FGFR4: variants seen among roughly 807,000 people sequenced by gnomAD.
The protein encoded by FGFR4 is fibroblast growth factor receptor 4.
FGFR4 carries 63 observed loss-of-function variants against 89.9 expected under a neutral mutation model. That is an observed-to-expected ratio of 0.70 (90% confidence interval 0.57 to 0.86). The LOEUF is 0.86. Among genes scored for constraint, FGFR4 ranks in the 40% least tolerant of loss-of-function variants. The pLI is 0.00. For missense variants in FGFR4, 928 were observed against 1,106.7 expected (o/e 0.84, Z 2.29); for synonymous variants, 486 against 479.4 (o/e 1.01, Z -0.18).
At chr5:177,091,216 G>A in intron 5 of FGFR4, 112 bp downstream of exon 5, 1 of 1,342,706 alleles carries the variant, frequency 7.4e-7, no homozygotes, top group Non-Finnish European at 1.0e-6. Flanking sequence ...GCGATTGCGG[G>A]GCCCCGGAAG....
chr5:177,095,599 G>T lies in FGFR4; in HGVS notation c.1697G>T (p.Arg566Leu). 1 of 1,604,658 alleles carries T rather than the reference G, an allele frequency of 6.2e-7. No homozygotes were observed. The highest frequency in any genetic ancestry group is 1.7e-5 in the Admixed American group (1 of 58,780). ...CTGCGGGAGTTCCTGCGGGCCCGGC[G>T]CCCCCCAGGCCCCGACCTCAGCCCC... is the stretch of plus-strand genomic sequence containing the variant. ...GNLREFLRAR[R>L]PPGPDLSPDG... Residue 566 changes from arginine to leucine, a missense_variant, in exon 13 of 18, where the codon CGC (arginine) becomes CTC (leucine). Arg to Leu is a moderately radical substitution (Grantham distance 102). Around this residue, in one of 5 missense-constraint regions of FGFR4, gnomAD observed 741 missense variants for 836.9 expected, o/e 0.89. Transcript: ENST00000292408. This position sits in a 1 kb window ranked among gnomAD's most constrained non-coding sequence, Gnocchi z 5.7.
chr5:177,096,905 T>C (rs867226148), intron 16 of FGFR4, among the ~76,000 whole-genome samples, 164 bp downstream of exon 16: 796 of 15,172 alleles, frequency 0.052, no homozygotes, highest in East Asian at 0.1. Flanking sequence ...CCTCCTCCTC[T>C]TCCTCCTCCT....
intron 6 of FGFR4, 131 bp downstream of exon 6, chr5:177,091,939 G>A: frequency 8.1e-7 from 1 of 1,236,032 alleles, no homozygotes; most frequent in Admixed American, 2.0e-5. Context: ...GGTGGGTCAG[G>A]GGAAAGCACA....
rs9489 is a variant in FGFR4 at position 177,098,028 on chromosome 5, G to C, written c.*352G>C. Reference sequence around the variant, plus strand: ...ACCTCCCCCTGCTGCTGCTGCCCCAGCGTCTTGACGGGAGCATTGGCCCCT... The same window carrying C: ...ACCTCCCCCTGCTGCTGCTGCCCCACCGTCTTGACGGGAGCATTGGCCCCT... On this transcript the variant is annotated 3_prime_UTR_variant, in exon 18 of 18. Transcript: ENST00000292408. This position sits in a 1 kb window ranked among gnomAD's most constrained non-coding sequence, Gnocchi z 4.5. 0.11 allele frequency: 30,340 copies of C among 277,184 alleles called. 2,113 individuals are homozygous for C. The highest frequency in any genetic ancestry group is 0.17 in the South Asian group (1,093 of 6,486). 17.2% of individuals were successfully genotyped at this position (277,184 alleles called of 1,614,324 possible). A position where few individuals can be genotyped will look rare whatever the true frequency, so the allele number is the denominator to read the frequency against.
chr5:177,095,590 G>T lies in FGFR4; in HGVS notation c.1688G>T (p.Arg563Leu). ...AAKGNLREFLRARRPPGPDLS... is the reference protein window; with the variant it reads ...AAKGNLREFLLARRPPGPDLS... ...AAGGGAAACCTGCGGGAGTTCCTGCGGGCCCGGCGCCCCCCAGGCCCCGAC... is the reference window on the plus strand; with the variant it reads ...AAGGGAAACCTGCGGGAGTTCCTGCTGGCCCGGCGCCCCCCAGGCCCCGAC... The change falls in exon 13 of 18, where the codon CGG becomes CTG. Residue 563 changes from arginine (R) to leucine (L), a missense_variant. Coordinates refer to ENST00000292408, the MANE Select transcript of FGFR4 (RefSeq NM_213647.3). This position sits in a 1 kb window ranked among gnomAD's most constrained non-coding sequence, Gnocchi z 5.7. The T allele has an allele frequency of 6.2e-7, 1 of 1,607,504 alleles. No individual in the cohort carries two copies. Among genetic ancestry groups the T allele is most frequent in the Non-Finnish European group, 8.5e-7 (1 of 1,177,794 alleles).
rs752670786 is a variant in FGFR4 at position 177,093,129 on chromosome 5, C to T, written c.1058-9C>T. ...TTGTCTGTCTGTGTGTGTCCATGTG[C>T]GAGGGCAGAGGAGGACCCCACATGG... On this transcript the variant is annotated splice_polypyrimidine_tract_variant and intron_variant, in intron 8 of 17. Coordinates refer to ENST00000292408, the MANE Select transcript of FGFR4 (RefSeq NM_213647.3). The surrounding 1 kb of genome is among the most constrained non-coding windows in gnomAD (Gnocchi z 5.8). 1.5e-5 allele frequency: 25 copies of T among 1,613,856 alleles called. No homozygotes were observed. The highest frequency in any genetic ancestry group is 6.7e-5 in the East Asian group (3 of 44,904).
Position 177,097,480 on chromosome 5 carries a change from G to A in FGFR4, c.2260-47G>A, listed in dbSNP as rs376665036. 1.7e-3 allele frequency: 2,650 copies of A among 1,558,460 alleles called. 5 individuals carry two copies. Among genetic ancestry groups the A allele is most frequent in the Non-Finnish European group, 2.2e-3 (2,493 of 1,146,178 alleles). On this transcript the variant is annotated intron_variant, in intron 17 of 17. Transcript: ENST00000292408. ...GCCTGACCGCGTGGACATGCGCCCC[G>A]TCCCATCCCGGGCGCTGCAGAGGCT...
intron 1 of FGFR4, chr5:177,088,406 G>A (rs1487278873): frequency 1.0e-5 from 2 of 196,830 alleles, no homozygotes; most frequent in African/African-American, 2.3e-5. Flanking sequence ...AGCCGAGGGA[G>A]AGGATGTTTC....
rs1314449518 is a variant in FGFR4, at chr5:177,090,924, C to T, written c.437-14C>T. 2 of 1,614,050 alleles carry T rather than the reference C, an allele frequency of 1.2e-6. No individual in the cohort carries two copies. The highest frequency in any genetic ancestry group is 1.7e-6 in the Non-Finnish European group (2 of 1,180,018). Reference sequence around the variant, plus strand: ...AACACACGGTCATTCTAGGGGCCTTCCCCTGCCCTCCAGCACCCTACTGGA... The same window carrying T: ...AACACACGGTCATTCTAGGGGCCTTTCCCTGCCCTCCAGCACCCTACTGGA... On this transcript the variant is annotated splice_polypyrimidine_tract_variant and intron_variant, in intron 4 of 17. Coordinates refer to ENST00000292408, the MANE Select transcript of FGFR4 (RefSeq NM_213647.3).
rs1291528469 is a variant in FGFR4 at position 177,089,449 on chromosome 5, T to G, written c.-53-101T>G. The G allele has an allele frequency of 1.7e-5, 23 of 1,347,066 alleles. No individual in the cohort carries two copies. The African/African-American group carries it at 3.2e-4, about 19-fold the overall frequency. The allele number at this position is 1,347,066 out of a possible 1,614,324, so 83.4% of individuals were successfully genotyped here. A position where few individuals can be genotyped will look rare whatever the true frequency, so the allele number is the denominator to read the frequency against. ...GCCTGGCCAGGGACTTGGACACATCTGCTGGCCACTTCCTGTCTCAGTTTC... is the reference window on the plus strand; with the variant it reads ...GCCTGGCCAGGGACTTGGACACATCGGCTGGCCACTTCCTGTCTCAGTTTC... On this transcript the variant is annotated intron_variant, in intron 1 of 17. Coordinates refer to ENST00000292408, the MANE Select transcript of FGFR4 (RefSeq NM_213647.3).
chr5:177,094,895 T>C (rs1784494482), intron 11 of FGFR4: 1 of 176,730 alleles, frequency 5.7e-6, no homozygotes, highest in Non-Finnish European at 1.2e-5. Flanking sequence ...CCCAGGCCAG[T>C]TGGAAGCCAG....
Position 177,093,129 on chromosome 5 carries a change from C to A in FGFR4, c.1058-9C>A, listed in dbSNP as rs752670786. Reference sequence around the variant, plus strand: ...TTGTCTGTCTGTGTGTGTCCATGTGCGAGGGCAGAGGAGGACCCCACATGG... The same window carrying A: ...TTGTCTGTCTGTGTGTGTCCATGTGAGAGGGCAGAGGAGGACCCCACATGG... On this transcript the variant is annotated splice_polypyrimidine_tract_variant and intron_variant, in intron 8 of 17. Coordinates refer to ENST00000292408, the MANE Select transcript of FGFR4 (RefSeq NM_213647.3). This position sits in a 1 kb window ranked among gnomAD's most constrained non-coding sequence, Gnocchi z 5.8. 2 of 1,613,974 alleles carry A rather than the reference C, an allele frequency of 1.2e-6. No individual in the cohort carries two copies. Among genetic ancestry groups the A allele is most frequent in the Admixed American group, 1.7e-5 (1 of 60,014 alleles).
chr5:177,092,190 G>A, intron 6 of FGFR4, 131 bp from the exon 7 acceptor site: 2 of 962,310 alleles, frequency 2.1e-6, no homozygotes, highest in South Asian at 2.0e-5. Flanking sequence ...GGTTTAAGCA[G>A]GGTAAGCAGG....
chr5:177,093,797 G>A lies in FGFR4; in HGVS notation c.1519+22G>A. The A allele has an allele frequency of 6.2e-7, 1 of 1,601,946 alleles. No individual in the cohort carries two copies. Among genetic ancestry groups the A allele is most frequent in the South Asian group, 1.1e-5 (1 of 90,566 alleles). On this transcript the variant is annotated intron_variant, in intron 11 of 17. Coordinates refer to ENST00000292408, the MANE Select transcript of FGFR4 (RefSeq NM_213647.3). This position sits in a 1 kb window ranked among gnomAD's most constrained non-coding sequence, Gnocchi z 5.8. ...AAAGGTGAGTGTGGCCCGGTGTGGT[G>A]GCTCACACCTGTAACGCCAGCACTT...
chr5:177,096,853 C>A, intron 16 of FGFR4, 112 bp downstream of exon 16: 2 of 1,229,842 alleles, frequency 1.6e-6, no homozygotes, highest in Non-Finnish European at 2.3e-6. Context: ...AACAACTCCT[C>A]GTCCTCCTCC....
chr5:177,093,775 G>A lies in FGFR4; in HGVS notation c.1519G>A (p.Asp507Asn), dbSNP rs1469660786. The part of the protein sequence containing the change: ...ASTVAVKMLK[D>N]NASDKDLADL... ...CACTGTGGCCGTCAAGATGCTCAAA[G>A]GTGAGTGTGGCCCGGTGTGGTGGCT... is the stretch of plus-strand genomic sequence containing the variant. The change falls in exon 11 of 18, where the codon GAC becomes AAC. Residue 507 changes from aspartate to asparagine, a missense_variant and splice_region_variant. By Grantham distance (23) the Asp-to-Asn change is conservative (BLOSUM62 1). Coordinates refer to ENST00000292408, the MANE Select transcript of FGFR4 (RefSeq NM_213647.3). The surrounding 1 kb of genome is among the most constrained non-coding windows in gnomAD (Gnocchi z 5.8). The A allele has an allele frequency of 6.2e-7, 1 of 1,611,790 alleles. No homozygotes were observed. Among genetic ancestry groups the A allele is most frequent in the South Asian group, 1.1e-5 (1 of 90,956 alleles).
At chr5:177,094,476 C>T (rs1418887258) in intron 11 of FGFR4, among the ~76,000 whole-genome samples, 1 of 152,178 alleles carries the variant, frequency 6.6e-6, no homozygotes, top group East Asian at 1.9e-4. Context: ...CACAGGCCCT[C>T]TACCTCCTTC....
chr5:177,096,747 G>T lies in FGFR4; in HGVS notation c.2153+6G>T. The T allele has an allele frequency of 6.4e-7, 1 of 1,567,672 alleles. No homozygotes were observed. The highest frequency in any genetic ancestry group is 1.2e-5 in the South Asian group (1 of 82,236). ...CCACACTGCCCCCCAGAGCTGTGAG[G>T]CCTCACCCTGCCCTCGACCCCACTT... On this transcript the variant is annotated splice_donor_region_variant and intron_variant, in intron 16 of 17. Coordinates refer to ENST00000292408, the MANE Select transcript of FGFR4 (RefSeq NM_213647.3).
intron 4 of FGFR4, 28 bp downstream of exon 4, chr5:177,090,853 C>T (rs1784341143): frequency 6.2e-7 from 1 of 1,613,922 alleles, no homozygotes; most frequent in Non-Finnish European, 8.5e-7. Flanking sequence ...GACTTGTGTC[C>T]CCGCTGCTGC....
Sources: allele counts gnomAD v4.1 joint callset (sites outside exome capture counted in the v4.1 genomes callset), GRCh38; gene constraint gnomAD v4.1.1; regional missense constraint gnomAD v4.1.1; non-coding constraint Gnocchi (gnomAD v3.1); transcripts MANE v1.5; gene names NCBI Gene and HGNC (gene_info 2026-07-23, HGNC 2026-07-21).